Variants in PRKCI observed in about 807,000 individuals in gnomAD.
PRKCI encodes the protein protein kinase C iota, also known as protein kinase C iota type.
Under a neutral mutation model 84.0 loss-of-function variants are expected in PRKCI, and 43 were observed. The ratio of observed to expected loss-of-function variants is 0.51; its 90% CI spans 0.40 to 0.66. The LOEUF is 0.66. Ranked by LOEUF, PRKCI falls within the 30% of genes least tolerant of loss-of-function variation. The pLI is 0.00. For synonymous variants in PRKCI, 216 were observed against 234.4 expected, an observed-to-expected ratio of 0.92 and a Z score of 0.72; for missense variants, 459 against 745.6, an observed-to-expected ratio of 0.62 and a Z score of 4.48.
In PRKCI at chr3:170,296,008, G is replaced by A; in HGVS notation, c.1497+18G>A. 2 of 1,404,602 alleles carry A rather than the reference G, an allele frequency of 1.4e-6. No homozygotes were observed. The highest frequency in any genetic ancestry group is 3.0e-5 in the South Asian group (2 of 65,678). 87.0% of individuals were successfully genotyped at this position (1,404,602 alleles called of 1,614,324 possible). ...TTAATAAGGTATAAATTGTGTATAA[G>A]AATATTTTGTGATTTGTCTCTTTCT... On this transcript the variant is annotated intron_variant, in intron 15 of 17. Transcript: ENST00000295797.
At chr3:170,247,397 G>T (rs1733312147) in intron 2 of PRKCI, among the ~76,000 whole-genome samples, 1 of 151,480 alleles carries the variant, frequency 6.6e-6, no homozygotes, top group African/African-American at 2.4e-5. Context: ...TTGTTTTAGA[G>T]GGAGGGTTAT....
At chr3:170,241,448 T>G (rs1733128549) in intron 2 of PRKCI, among the ~76,000 whole-genome samples, 2 of 152,202 alleles carry the variant, frequency 1.3e-5, no homozygotes, top group African/African-American at 4.8e-5. Context: ...GGCTTATGCT[T>G]ATTTCACTTA....
intron 7 of PRKCI, among the ~76,000 whole-genome samples, chr3:170,274,183 A>AT (rs1276056003): frequency 6.6e-6 from 1 of 152,018 alleles, no homozygotes; most frequent in African/African-American, 2.4e-5. Context: ...CCAAGCTGGA[A>AT]TGCAGTGGCG....
chr3:170,230,607 G>A (rs1376014539), intron 1 of PRKCI, among the ~76,000 whole-genome samples: 3 of 152,256 alleles, frequency 2.0e-5, no homozygotes, highest in Non-Finnish European at 4.4e-5. Flanking sequence ...TGGGATTTTA[G>A]GCGTGAGCCA....
chr3:170,251,243 A>G (rs1237076509), intron 2 of PRKCI, among the ~76,000 whole-genome samples: 1 of 152,244 alleles, frequency 6.6e-6, no homozygotes, highest in Non-Finnish European at 1.5e-5. Context: ...TGTGAAGAAA[A>G]CATTTCTCCC....
intron 5 of PRKCI, among the ~76,000 whole-genome samples, 172 bp from the exon 6 acceptor site, chr3:170,270,249 C>A (rs1733965210): frequency 1.3e-5 from 2 of 152,060 alleles, no homozygotes; most frequent in Admixed American, 1.3e-4. Flanking sequence ...TTTCGCTGAC[C>A]TTCATAGCTT....
chr3:170,261,172 C>G (rs973179053), intron 3 of PRKCI, among the ~76,000 whole-genome samples: 9 of 150,280 alleles, frequency 6.0e-5, no homozygotes, highest in Non-Finnish European at 1.2e-4. Flanking sequence ...ACTATGATGC[C>G]CAGGCTGGTC....
chr3:170,273,830 A>AG (rs908740708), intron 7 of PRKCI, among the ~76,000 whole-genome samples: 14 of 146,946 alleles, frequency 9.5e-5, no homozygotes, highest in South Asian at 4.4e-4. Flanking sequence ...AGAGAGAGAG[A>AG]AAAAAAAAAG....
intron 2 of PRKCI, among the ~76,000 whole-genome samples, chr3:170,244,481 G>A (rs977597328): frequency 3.6e-4 from 54 of 152,088 alleles, no homozygotes; most frequent in African/African-American, 1.2e-3. Flanking sequence ...GTGTCCCCCC[G>A]TACCTTGTCC....
At chr3:170,288,934 A>G (rs1049586478) in intron 12 of PRKCI, among the ~76,000 whole-genome samples, 2 of 152,196 alleles carry the variant, frequency 1.3e-5, no homozygotes, top group Admixed American at 6.5e-5. Flanking sequence ...TGAAAACTTG[A>G]ATTAGTATCT....
chr3:170,276,492 T>A (rs1361840039), intron 8 of PRKCI, among the ~76,000 whole-genome samples: 2 of 152,036 alleles, frequency 1.3e-5, no homozygotes, highest in Non-Finnish European at 2.9e-5. Context: ...GAGACAGGAT[T>A]ATTGCACAGG....
intron 12 of PRKCI, among the ~76,000 whole-genome samples, chr3:170,290,158 G>A (rs1734509794): frequency 6.6e-6 from 1 of 152,038 alleles, no homozygotes; most frequent in Non-Finnish European, 1.5e-5. Context: ...ATAGGAAAGT[G>A]GTTAAGTTCT....
At chr3:170,293,832 C>T (rs757851768) in intron 14 of PRKCI, among the ~76,000 whole-genome samples, 9 of 151,934 alleles carry the variant, frequency 5.9e-5, no homozygotes, top group Non-Finnish European at 1.2e-4. Context: ...AGGCACACAC[C>T]ACTATGCCCG....
intron 2 of PRKCI, among the ~76,000 whole-genome samples, chr3:170,245,923 C>CT (rs1399739230): frequency 7.8e-6 from 1 of 128,528 alleles, no homozygotes; most frequent in African/African-American, 3.0e-5. Context: ...TGAAATGTCT[C>CT]TTTTTTCCCT....
At chr3:170,295,716 G>A (rs958460643) in intron 14 of PRKCI, among the ~76,000 whole-genome samples, 195 bp from the exon 15 acceptor site, 6 of 151,598 alleles carry the variant, frequency 4.0e-5, no homozygotes, top group Non-Finnish European at 7.4e-5. Flanking sequence ...CGTGATGGTG[G>A]CGCCTGTGGT....
chr3:170,243,293 T>A (rs1733181732), intron 2 of PRKCI, among the ~76,000 whole-genome samples: 1 of 152,242 alleles, frequency 6.6e-6, no homozygotes, highest in Non-Finnish European at 1.5e-5. Flanking sequence ...TAGAATTTTA[T>A]ATGGATAGAA....
rs182651003 is a variant in PRKCI at position 170,243,157 on chromosome 3, C to G, written c.223+7806C>G. ...ATACCTAGGAACCCATCAGCACAAG[C>G]AAGGTAGAGAACGTATCTGTTATCC... On this transcript the variant is annotated intron_variant, in intron 2 of 17. Transcript: ENST00000295797. Among the ~76,000 whole-genome samples the G allele has an allele frequency of 7.4e-4, 112 of 152,246 alleles. No individual in the cohort carries two copies. In the Middle Eastern group the frequency reaches 0.01, roughly 14 times the overall value.
rs151193723 is a variant in PRKCI, at chr3:170,293,842, G to A, written c.1417+334G>A. Among the ~76,000 whole-genome samples, 388 of 151,976 alleles carry A rather than the reference G, an allele frequency of 2.6e-3. 2 individuals are homozygous for A. Among genetic ancestry groups the A allele is most frequent in the African/African-American group, 8.7e-3 (361 of 41,460 alleles). ...ATTACAGGCACACACCACTATGCCC[G>A]GCTAAATTTTGTATTTTTAGTAGAG... On this transcript the variant is annotated intron_variant, in intron 14 of 17. Coordinates refer to ENST00000295797, the MANE Select transcript of PRKCI (RefSeq NM_002740.6).
chr3:170,285,989 A>G (rs112202990), intron 12 of PRKCI, among the ~76,000 whole-genome samples: 4,367 of 151,238 alleles, frequency 0.029, 166 homozygotes, highest in South Asian at 0.11. Flanking sequence ...CAATGGCACA[A>G]TCTCGGCTCA....
Sources: allele counts gnomAD v4.1 joint callset (sites outside exome capture counted in the v4.1 genomes callset), GRCh38; gene constraint gnomAD v4.1.1; transcripts MANE v1.5; gene names NCBI Gene and HGNC (gene_info 2026-07-23, HGNC 2026-07-21).